The following IPCEF1 variants were observed in gnomAD, a reference collection of about 807,000 sequenced individuals.
IPCEF1 encodes interactor protein for cytohesin exchange factors 1.
IPCEF1 carries 31 observed loss-of-function variants against 50.9 expected under a neutral mutation model. That is an observed-to-expected ratio of 0.61 (90% CI 0.46 to 0.82). IPCEF1 has a LOEUF of 0.82. IPCEF1 is among the 40% of genes least tolerant of loss of function. The pLI is 0.00. For synonymous variants in IPCEF1, 181 were observed against 192.0 expected (o/e 0.94, Z 0.47); for missense variants, 458 against 514.0 (o/e 0.89, Z 1.05).
chr6:154,183,163 T>G (rs1801046008), intron 10 of IPCEF1, among the ~76,000 whole-genome samples: 1 of 152,052 alleles, frequency 6.6e-6, no homozygotes, highest in Admixed American at 6.5e-5. Context: ...GTATTTTTAG[T>G]AGAGACGGGG....
intron 1 of IPCEF1, among the ~76,000 whole-genome samples, chr6:154,355,094 T>G (rs1372283053): frequency 1.3e-5 from 2 of 151,866 alleles, no homozygotes; most frequent in East Asian, 3.9e-4. Flanking sequence ...GTACTGCAAT[T>G]ATCAGCTCAC....
At chr6:154,235,382 A>T (rs1780034757) in intron 5 of IPCEF1, among the ~76,000 whole-genome samples, 1 of 152,104 alleles carries the variant, frequency 6.6e-6, no homozygotes, top group South Asian at 2.1e-4. Context: ...AATACAAAAA[A>T]TTAGCTGGGT....
rs117496248 is a variant in IPCEF1, at chr6:154,194,946, C to T, written c.910+4722G>A. On this transcript the variant is annotated intron_variant, in intron 10 of 11. Coordinates refer to ENST00000367220, the MANE Select transcript of IPCEF1 (RefSeq NM_001130700.2). Reference sequence around the variant, plus strand: ...AGATTACTAGGTAATGTTCTAGGAACAAAATTAAGTGCTGAGGATACAAAG... The same window carrying T: ...AGATTACTAGGTAATGTTCTAGGAATAAAATTAAGTGCTGAGGATACAAAG... Among the ~76,000 whole-genome samples, 1,263 of 152,114 alleles carry T rather than the reference C, an allele frequency of 8.3e-3. 12 individuals carry two copies. Among genetic ancestry groups the T allele is most frequent in the Middle Eastern group, 0.024 (7 of 294 alleles).
At chr6:154,315,652 C>T (rs981647991) in intron 1 of IPCEF1, among the ~76,000 whole-genome samples, 2 of 152,070 alleles carry the variant, frequency 1.3e-5, no homozygotes, top group East Asian at 1.9e-4. Flanking sequence ...TGGATCTATA[C>T]CAAGCTTGGG....
At chr6:154,164,396 C>T (rs979133802) in intron 11 of IPCEF1, among the ~76,000 whole-genome samples, 1 of 152,106 alleles carries the variant, frequency 6.6e-6, no homozygotes, top group Non-Finnish European at 1.5e-5. Context: ...AAAATGTAGA[C>T]AATAATACAG....
chr6:154,260,088 C>T lies in IPCEF1; in HGVS notation c.36+5824G>A, dbSNP rs143879600. ...CTGGGCTGTTGACTACACATAGTCA[C>T]ATAAAGACCGATGCTTTGTGAGTGG... is the stretch of plus-strand genomic sequence containing the variant. On this transcript the variant is annotated intron_variant, in intron 3 of 11. Coordinates refer to ENST00000367220, the MANE Select transcript of IPCEF1 (RefSeq NM_001130700.2). Among the ~76,000 whole-genome samples the T allele has an allele frequency of 2.9e-3, 440 of 152,300 alleles. 2 individuals are homozygous for T. The highest frequency in any genetic ancestry group is 0.01 in the African/African-American group (430 of 41,558).
In IPCEF1 at chr6:154,353,579, G is replaced by A. The variant is rs115865099; in HGVS notation, c.-62+3093C>T. 4.0e-3 allele frequency among the ~76,000 whole-genome samples: 615 copies of A among 152,224 alleles called. 8 individuals are homozygous for A. The highest frequency in any genetic ancestry group is 0.014 in the African/African-American group (596 of 41,538). On this transcript the variant is annotated intron_variant, in intron 1 of 11. Transcript: ENST00000367220. ...TGGGATTACAGGCATGAGAGCCACC[G>A]CACCCGGGCCTATTTACTTTCTTTC... is the stretch of plus-strand genomic sequence containing the variant.
intron 2 of IPCEF1, among the ~76,000 whole-genome samples, chr6:154,288,667 C>CA (rs552235190): frequency 2.7e-5 from 3 of 112,646 alleles, no homozygotes; most frequent in African/African-American, 9.4e-5. Flanking sequence ...GTCTAAAAAA[C>CA]AAAAAAAACA....
At chr6:154,253,505 C>T (rs1462402508) in intron 3 of IPCEF1, among the ~76,000 whole-genome samples, 4 of 152,104 alleles carry the variant, frequency 2.6e-5, no homozygotes, top group Non-Finnish European at 4.4e-5. Flanking sequence ...AAGAAAAATG[C>T]CACAATGTAT....
chr6:154,260,874 A>G (rs1382666850), intron 3 of IPCEF1, among the ~76,000 whole-genome samples: 1 of 152,208 alleles, frequency 6.6e-6, no homozygotes, highest in Non-Finnish European at 1.5e-5. Flanking sequence ...CCAAGCAATC[A>G]TGATTTCGTG....
chr6:154,187,461 T>A (rs1801488104), intron 10 of IPCEF1, among the ~76,000 whole-genome samples: 1 of 152,212 alleles, frequency 6.6e-6, no homozygotes, highest in African/African-American at 2.4e-5. Context: ...AAAAAGCACT[T>A]GACAAATATT....
intron 1 of IPCEF1, among the ~76,000 whole-genome samples, chr6:154,301,564 C>T (rs940087303): frequency 3.3e-5 from 5 of 152,108 alleles, no homozygotes; most frequent in South Asian, 2.1e-4. Context: ...GTTCTCAATC[C>T]GTGTCAAAGG....
At chr6:154,239,711 CTT>C (rs10712453) in intron 5 of IPCEF1, among the ~76,000 whole-genome samples, 1 of 151,176 alleles carries the variant, frequency 6.6e-6, no homozygotes, top group Non-Finnish European at 1.5e-5. Context: ...ACTGAAGAAA[CTT>C]TTTTTTTTGA....
intron 1 of IPCEF1, among the ~76,000 whole-genome samples, chr6:154,354,712 C>G (rs1182421610): frequency 2.0e-5 from 3 of 152,006 alleles, no homozygotes; most frequent in Non-Finnish European, 4.4e-5. Flanking sequence ...GGGGATTTTT[C>G]TGATCCCCGT....
chr6:154,327,880 C>G (rs2128691262), intron 1 of IPCEF1, among the ~76,000 whole-genome samples: 1 of 152,274 alleles, frequency 6.6e-6, no homozygotes, highest in South Asian at 2.1e-4. Context: ...CCATGGAATA[C>G]TAGGCACCCA....
chr6:154,176,046 A>T (rs60354256), intron 10 of IPCEF1, among the ~76,000 whole-genome samples: 10 of 152,354 alleles, frequency 6.6e-5, no homozygotes, highest in African/African-American at 1.9e-4. Flanking sequence ...ATAATCTATC[A>T]CATAAACAGA....
At chr6:154,316,438 TA>T (rs1387853975) in intron 1 of IPCEF1, among the ~76,000 whole-genome samples, 2 of 152,096 alleles carry the variant, frequency 1.3e-5, no homozygotes, top group East Asian at 1.9e-4. Context: ...ATTCTGTATT[TA>T]AAAAAAGAAG....
chr6:154,308,167 T>C (rs997267414), intron 1 of IPCEF1, among the ~76,000 whole-genome samples: 1 of 152,222 alleles, frequency 6.6e-6, no homozygotes, highest in Non-Finnish European at 1.5e-5. Flanking sequence ...TAAGCTGGCG[T>C]GCAGTGGTGC....
chr6:154,342,869 T>C (rs1441399380), intron 1 of IPCEF1, among the ~76,000 whole-genome samples: 1 of 152,168 alleles, frequency 6.6e-6, no homozygotes, highest in East Asian at 1.9e-4. Flanking sequence ...TCCCAGCACT[T>C]TGGGAGGCTG....
Sources: allele counts gnomAD v4.1 joint callset (sites outside exome capture counted in the v4.1 genomes callset), GRCh38; gene constraint gnomAD v4.1.1; transcripts MANE v1.5; gene names NCBI Gene and HGNC (gene_info 2026-07-23, HGNC 2026-07-21).